BANK1: variants seen among roughly 807,000 people sequenced by gnomAD.
The protein encoded by BANK1 is B cell scaffold protein with ankyrin repeats 1.
BANK1 carries 95 observed loss-of-function variants against 94.5 expected under a neutral mutation model. That is an observed-to-expected ratio of 1.00 (90% CI 0.85 to 1.19). The LOEUF (loss-of-function observed/expected upper bound fraction) is 1.19, where lower values mean the gene tolerates loss of function less well. BANK1 is among the 50% of genes most tolerant of loss of function. BANK1 has a pLI of 0.00. For synonymous variants in BANK1, 334 were observed against 308.4 expected, an observed-to-expected ratio of 1.08 and a Z score of -0.87; for missense variants, 987 against 932.2, an observed-to-expected ratio of 1.06 and a Z score of -0.77.
intron 7 of BANK1, among the ~76,000 whole-genome samples, chr4:101,942,704 C>A (rs1451900063): frequency 6.6e-6 from 1 of 151,592 alleles, no homozygotes; most frequent in African/African-American, 2.4e-5. Context: ...GTAGCTAATT[C>A]CATGCACAGA....
chr4:101,930,427 C>T (rs1386944727), intron 7 of BANK1, among the ~76,000 whole-genome samples: 1 of 151,418 alleles, frequency 6.6e-6, no homozygotes, highest in African/African-American at 2.4e-5. Flanking sequence ...TCACTGGTCT[C>T]ATGAGCTCAC....
intron 7 of BANK1, among the ~76,000 whole-genome samples, chr4:102,007,133 T>A (rs1362807364): frequency 8.9e-5 from 4 of 44,694 alleles, no homozygotes; most frequent in South Asian, 5.8e-4. Context: ...TATATATATA[T>A]AAAAAATATA....
chr4:101,960,226 A>G (rs1724521367), intron 7 of BANK1, among the ~76,000 whole-genome samples: 1 of 152,176 alleles, frequency 6.6e-6, no homozygotes, highest in Non-Finnish European at 1.5e-5. Context: ...ACAGCACTAT[A>G]TTCACTTGTA....
intron 7 of BANK1, among the ~76,000 whole-genome samples, chr4:101,936,352 T>C (rs1333372528): frequency 6.7e-6 from 1 of 150,344 alleles, no homozygotes; most frequent in Non-Finnish European, 1.5e-5. Flanking sequence ...CATATACATG[T>C]ATACATACAT....
intron 5 of BANK1, among the ~76,000 whole-genome samples, chr4:101,884,239 A>G (rs1467408231): frequency 1.3e-5 from 2 of 152,230 alleles, no homozygotes; most frequent in African/African-American, 4.8e-5. Context: ...AAACGAGTAT[A>G]CATCAGTTAT....
chr4:101,920,364 G>A (rs1722963515), intron 7 of BANK1, among the ~76,000 whole-genome samples: 1 of 151,852 alleles, frequency 6.6e-6, no homozygotes, highest in East Asian at 1.9e-4. Context: ...AGAACTTAAA[G>A]TATAATAAAA....
intron 5 of BANK1, among the ~76,000 whole-genome samples, chr4:101,874,688 G>A (rs6816787): frequency 0.44 from 66,664 of 151,924 alleles, 15,462 homozygotes; most frequent in African/African-American, 0.59. Context: ...TTTCACAGGC[G>A]CATCTTTTCC....
chr4:101,803,586 A>T (rs1423366806), intron 1 of BANK1, among the ~76,000 whole-genome samples: 1 of 152,204 alleles, frequency 6.6e-6, no homozygotes, highest in East Asian at 1.9e-4. Flanking sequence ...TCTTGAAAAC[A>T]CAGATTTGAA....
At chr4:102,036,029 C>A (rs1025788887) in intron 10 of BANK1, among the ~76,000 whole-genome samples, 5 of 152,134 alleles carry the variant, frequency 3.3e-5, no homozygotes, top group African/African-American at 1.2e-4. Flanking sequence ...AGATGAATGC[C>A]TATTGGGTAA....
intron 7 of BANK1, among the ~76,000 whole-genome samples, chr4:101,953,268 G>A (rs2148915556): frequency 6.6e-6 from 1 of 152,266 alleles, no homozygotes. Flanking sequence ...TGGACGAAAT[G>A]TTCCCAACTG....
intron 7 of BANK1, among the ~76,000 whole-genome samples, chr4:102,011,945 T>A (rs1032601626): frequency 6.6e-6 from 1 of 152,156 alleles, no homozygotes; most frequent in Non-Finnish European, 1.5e-5. Context: ...GGCCTTCTGA[T>A]AACTGATATG....
intron 4 of BANK1, among the ~76,000 whole-genome samples, chr4:101,868,462 A>C (rs75591269): frequency 1.8e-3 from 276 of 152,118 alleles, no homozygotes; most frequent in Non-Finnish European, 2.9e-3. Context: ...AGAGTGTCAC[A>C]ATATGTAAAG....
At chr4:101,998,211 A>C (rs148937347) in intron 7 of BANK1, among the ~76,000 whole-genome samples, 1 of 152,000 alleles carries the variant, frequency 6.6e-6, no homozygotes, top group Non-Finnish European at 1.5e-5. Flanking sequence ...TTCCATTTCC[A>C]TATAGTTGTG....
At chr4:101,972,414 CAG>C (rs745485983) in intron 7 of BANK1, 3 of 152,062 alleles carry the variant, frequency 2.0e-5, no homozygotes, top group Non-Finnish European at 4.4e-5. Flanking sequence ...TTGGTTCTAA[CAG>C]AGAGTCTTTA....
At chr4:102,043,772 G>T in intron 10 of BANK1, 67 bp from the exon 11 acceptor site, 2 of 970,754 alleles carry the variant, frequency 2.1e-6, no homozygotes, top group South Asian at 1.9e-5. Context: ...GCTTCCTGGA[G>T]ACTTCTACAG....
chr4:101,955,781 C>T (rs1724315855), intron 7 of BANK1, among the ~76,000 whole-genome samples: 2 of 152,118 alleles, frequency 1.3e-5, no homozygotes, highest in Admixed American at 6.5e-5. Context: ...TTCATAGTAA[C>T]TTAACTTTAT....
At chr4:101,972,008 T>C (rs1724974947) in intron 7 of BANK1, among the ~76,000 whole-genome samples, 1 of 152,092 alleles carries the variant, frequency 6.6e-6, no homozygotes, top group South Asian at 2.1e-4. Context: ...TCGTTTTTTC[T>C]ACTCCTATGA....
chr4:102,039,903 T>G (rs149245867), intron 10 of BANK1, among the ~76,000 whole-genome samples: 1 of 152,126 alleles, frequency 6.6e-6, no homozygotes, highest in Admixed American at 6.6e-5. Flanking sequence ...TCATCAATGA[T>G]AGCTGTACAG....
At chr4:101,967,071 T>A (rs1472129542) in intron 7 of BANK1, among the ~76,000 whole-genome samples, 1 of 152,128 alleles carries the variant, frequency 6.6e-6, no homozygotes, top group African/African-American at 2.4e-5. Flanking sequence ...GCACTTACTG[T>A]ATTCAAGGTA....
Sources: allele counts gnomAD v4.1 joint callset (sites outside exome capture counted in the v4.1 genomes callset), GRCh38; gene constraint gnomAD v4.1.1; transcripts MANE v1.5; gene names NCBI Gene and HGNC (gene_info 2026-07-23, HGNC 2026-07-21).